Variants in TPO observed in about 807,000 individuals in gnomAD.
The protein encoded by TPO is thyroid peroxidase, also known as thyroid microsomal antigen.
Under a neutral mutation model 96.9 loss-of-function variants are expected in TPO, and 78 were observed. The observed-to-expected ratio is 0.81, with a 90% CI of 0.67 to 0.97. The LOEUF is 0.97. Among genes scored for constraint, TPO ranks in the 50% least tolerant of loss-of-function variants. TPO has a pLI of 0.00. For synonymous variants in TPO, 547 were observed against 538.0 expected, an observed-to-expected ratio of 1.02 and a Z score of -0.23; for missense variants, 1,252 against 1,274.8, an observed-to-expected ratio of 0.98 and a Z score of 0.27.
At chr2:1,465,313 A>G (rs900191116) in intron 7 of TPO, among the ~76,000 whole-genome samples, 10 of 152,140 alleles carry the variant, frequency 6.6e-5, no homozygotes, top group Admixed American at 6.5e-4. Context: ...CTTATAGTAT[A>G]GTTTGAAATC....
intron 3 of TPO, among the ~76,000 whole-genome samples, chr2:1,429,286 A>G (rs4927574): frequency 0.12 from 17,701 of 152,160 alleles, 2,415 homozygotes; most frequent in East Asian, 0.53. Context: ...TGTCGGCTTC[A>G]TGAGGCCCTC....
rs566458900 is a variant in TPO at position 1,374,666 on chromosome 2, C to T, written n.180+264C>T. On this transcript the variant is annotated intron_variant and non_coding_transcript_variant, in intron 1 of 5. Transcript: ENST00000497517. ...TTAATGAGGATTTATTTGAAAAGAACATCACACCAGAAAACATGAGCCCTG... is the reference window on the plus strand; with the variant it reads ...TTAATGAGGATTTATTTGAAAAGAATATCACACCAGAAAACATGAGCCCTG... 4.0e-5 allele frequency among the ~76,000 whole-genome samples: 6 copies of T among 151,762 alleles called. No individual in the cohort carries two copies. In the South Asian group the frequency reaches 1.3e-3, roughly 32 times the overall value.
At chr2:1,467,088 T>C (rs771028262) in intron 7 of TPO, among the ~76,000 whole-genome samples, 14 of 152,222 alleles carry the variant, frequency 9.2e-5, no homozygotes, top group Middle Eastern at 3.4e-3. Flanking sequence ...TGTGTCATTA[T>C]TGTCATTCAG....
intron 15 of TPO, among the ~76,000 whole-genome samples, chr2:1,526,819 A>G (rs868849799): frequency 1.6e-3 from 44 of 26,970 alleles, no homozygotes; most frequent in East Asian, 5.9e-3. Flanking sequence ...CCCCCAATCT[A>G]TGCAACCTCC....
At chr2:1,394,697 G>A (rs894465628) in intron 1 of TPO, among the ~76,000 whole-genome samples, 2 of 152,184 alleles carry the variant, frequency 1.3e-5, no homozygotes, top group African/African-American at 4.8e-5. Flanking sequence ...CGTCACCCGG[G>A]CCCTGCCCAG....
chr2:1,414,479 C>G lies in TPO; in HGVS notation c.71C>G (p.Ser24Trp). ...ACAGAAGCCTTCTTCCCCTTCATCT[C>G]GAGAGGGAAAGAACTCCTTTGGGGT... is the stretch of plus-strand genomic sequence containing the variant. ...ACTEAFFPFISRGKELLWGKP... is the reference protein window; with the variant it reads ...ACTEAFFPFIWRGKELLWGKP... The change falls in exon 2 of 17, where the codon TCG (serine) becomes TGG (tryptophan). Residue 24 changes from serine to tryptophan, a missense_variant. Physicochemically the swap from Ser to Trp is radical, Grantham distance 177. Coordinates refer to ENST00000329066, the MANE Select transcript of TPO (RefSeq NM_001206744.2). 1.2e-6 allele frequency: 2 copies of G among 1,613,954 alleles called. No individual in the cohort carries two copies. Among genetic ancestry groups the G allele is most frequent in the Non-Finnish European group, 1.7e-6 (2 of 1,179,924 alleles).
intron 14 of TPO, among the ~76,000 whole-genome samples, chr2:1,504,972 C>T (rs1055393668): frequency 8.5e-5 from 13 of 152,228 alleles, no homozygotes; most frequent in African/African-American, 2.9e-4. Context: ...CCAGCCAGGG[C>T]GGAGAGGGGT....
Position 1,423,148 on chromosome 2 carries a change from C to T in TPO, c.179+19C>T. 6.2e-7 allele frequency: 1 copy of T among 1,611,514 alleles called. No homozygotes were observed. The highest frequency in any genetic ancestry group is 1.1e-5 in the South Asian group (1 of 90,994). On this transcript the variant is annotated intron_variant, in intron 3 of 16. Coordinates refer to ENST00000329066, the MANE Select transcript of TPO (RefSeq NM_001206744.2). ...TGCAGAGGTGAGCCTTGCGGAGGGG[C>T]CGCCGCCCCAAATGCCACCGACAGG...
intron 1 of TPO, among the ~76,000 whole-genome samples, chr2:1,380,469 C>T (rs1661793911): frequency 1.3e-5 from 2 of 150,726 alleles, no homozygotes; most frequent in Non-Finnish European, 1.5e-5. Flanking sequence ...AACAAATGGT[C>T]ATGTTCATCA....
At chr2:1,444,056 A>G in intron 5 of TPO, among the ~76,000 whole-genome samples, 1 of 142,962 alleles carries the variant, frequency 7.0e-6, no homozygotes, top group Non-Finnish European at 1.5e-5. Flanking sequence ...TCTTGTTTGT[A>G]TGATCCAGTC....
chr2:1,383,056 C>T (rs1324834809), intron 1 of TPO, among the ~76,000 whole-genome samples: 1 of 152,010 alleles, frequency 6.6e-6, no homozygotes, highest in Non-Finnish European at 1.5e-5. Flanking sequence ...GACATGAACT[C>T]ATCATTTTTT....
rs560572175 is a variant in TPO at position 1,413,501 on chromosome 2, G to A, written c.-46G>A. 1.0e-4 allele frequency: 21 copies of A among 204,042 alleles called. No homozygotes were observed. The highest frequency in any genetic ancestry group is 2.4e-3 in the Middle Eastern group (1 of 422). The allele number at this position is 204,042 out of a possible 1,614,324, so 12.6% of individuals were successfully genotyped here. On this transcript the variant is annotated 5_prime_UTR_variant, in exon 1 of 17. The change creates a new upstream start codon in the 5' untranslated region. Coordinates refer to ENST00000329066, the MANE Select transcript of TPO (RefSeq NM_001206744.2). ...CGCCCATTTCAGAAGAGTTACAGCC[G>A]TGAAAATTACTCAGCAGTGCAGTTG...
intron 15 of TPO, among the ~76,000 whole-genome samples, chr2:1,518,013 T>C (rs889907106): frequency 2.4e-4 from 36 of 151,778 alleles, no homozygotes; most frequent in African/African-American, 8.7e-4. Context: ...ACCCCTGCAG[T>C]CACCTTCGCC....
At chr2:1,515,897 T>TAA (rs913769965) in intron 14 of TPO, among the ~76,000 whole-genome samples, 1 of 149,798 alleles carries the variant, frequency 6.7e-6, no homozygotes, top group Non-Finnish European at 1.5e-5. Context: ...CATGTTTGTT[T>TAA]AAAAAAAAAA....
upstream of TPO, among the ~76,000 whole-genome samples, chr2:1,374,049 C>T (rs911054047): frequency 6.6e-6 from 1 of 152,210 alleles, no homozygotes; most frequent in African/African-American, 2.4e-5. Context: ...GGAGAAACGC[C>T]TTGCACACTC....
At chr2:1,380,502 A>G (rs965323446) in intron 1 of TPO, among the ~76,000 whole-genome samples, 12 of 152,084 alleles carry the variant, frequency 7.9e-5, no homozygotes, top group African/African-American at 2.2e-4. Flanking sequence ...AAAAAATTCT[A>G]TATTTGAAGC....
intron 15 of TPO, among the ~76,000 whole-genome samples, chr2:1,536,212 A>T: frequency 4.4e-5 from 1 of 22,668 alleles, no homozygotes; most frequent in Non-Finnish European, 7.8e-5. Flanking sequence ...ACCTCCCGAA[A>T]TCGCCCCCAC....
At chr2:1,484,369 C>G (rs1404589402) in intron 8 of TPO, among the ~76,000 whole-genome samples, 2 of 152,226 alleles carry the variant, frequency 1.3e-5, no homozygotes, top group Non-Finnish European at 2.9e-5. Context: ...CCATCACCAT[C>G]CTGGGAAGGA....
chr2:1,387,529 A>C (rs1661922185), intron 1 of TPO, among the ~76,000 whole-genome samples: 1 of 152,118 alleles, frequency 6.6e-6, no homozygotes, highest in African/African-American at 2.4e-5. Flanking sequence ...TGCATTCATC[A>C]CATAGTTCTT....
Sources: allele counts gnomAD v4.1 joint callset (sites outside exome capture counted in the v4.1 genomes callset), GRCh38; gene constraint gnomAD v4.1.1; transcripts MANE v1.5; gene names NCBI Gene and HGNC (gene_info 2026-07-23, HGNC 2026-07-21).